The following PLOD2 variants were observed in gnomAD, a reference collection of about 807,000 sequenced individuals.
PLOD2 encodes the protein lysine hydroxylase 2.
In PLOD2, 65 loss-of-function variants were observed where a neutral mutation model predicts 101.0. The observed-to-expected ratio is 0.64, with a 90% CI of 0.53 to 0.79. The LOEUF is 0.79. PLOD2 is among the 30% of genes least tolerant of loss of function. The pLI is 0.00. For missense variants in PLOD2, 909 were observed against 914.6 expected, an observed-to-expected ratio of 0.99 and a Z score of 0.08; for synonymous variants, 314 against 302.9, an observed-to-expected ratio of 1.04 and a Z score of -0.38.
In PLOD2 at chr3:146,110,314, T is replaced by G; in HGVS notation, c.473A>C (p.His158Pro). ...KRLADKYPVV[H>P]IGKRYLNSGG... The stretch of plus-strand genomic sequence containing the variant: ...TGAATTCAGATAGCGTTTCCCAATG[T>G]GCACAACAGGATACTTGTCTGCTAG... Residue 158 changes from histidine to proline, a missense_variant, in exon 4 of 20, where the codon CAC (histidine) becomes CCC (proline). Physicochemically the swap from His to Pro is moderately conservative, Grantham distance 77. Transcript: ENST00000282903. The G allele has an allele frequency of 6.2e-7, 1 of 1,613,896 alleles. No homozygotes were observed. Among genetic ancestry groups the G allele is most frequent in the Non-Finnish European group, 8.5e-7 (1 of 1,179,844 alleles).
intron 1 of PLOD2, among the ~76,000 whole-genome samples, chr3:146,126,522 G>C (rs2030570988): frequency 6.6e-6 from 1 of 151,992 alleles, no homozygotes; most frequent in African/African-American, 2.4e-5. Flanking sequence ...CAGAAATAAA[G>C]AGACAAAGAT....
intron 1 of PLOD2, among the ~76,000 whole-genome samples, chr3:146,138,354 CAA>C (rs1407033535): frequency 6.7e-6 from 1 of 149,136 alleles, no homozygotes; most frequent in Non-Finnish European, 1.5e-5. Context: ...AAAAAACAAA[CAA>C]AAATTTGCAT....
intron 13 of PLOD2, among the ~76,000 whole-genome samples, chr3:146,078,599 T>C (rs941557959): frequency 3.3e-5 from 5 of 151,870 alleles, no homozygotes; most frequent in Non-Finnish European, 7.4e-5. Context: ...TTAGAGTAAA[T>C]ACACTATGTA....
At chr3:146,130,082 T>G (rs2030820307) in intron 1 of PLOD2, among the ~76,000 whole-genome samples, 1 of 152,170 alleles carries the variant, frequency 6.6e-6, no homozygotes, top group Admixed American at 6.6e-5. Flanking sequence ...CTCTCCAATC[T>G]CATCCACTTT....
At chr3:146,123,235 A>G in intron 2 of PLOD2, 1 of 928,172 alleles carries the variant, frequency 1.1e-6, no homozygotes, top group South Asian at 2.1e-5. Context: ...CTTTTTTAAA[A>G]AAAAAGTTTT....
chr3:146,125,707 G>A (rs1193180052), intron 1 of PLOD2, among the ~76,000 whole-genome samples: 3 of 152,052 alleles, frequency 2.0e-5, no homozygotes, highest in Non-Finnish European at 4.4e-5. Context: ...AGATCACACG[G>A]CTGCACTCCA....
intron 7 of PLOD2, among the ~76,000 whole-genome samples, chr3:146,099,251 T>C (rs1937302359): frequency 6.6e-6 from 1 of 152,198 alleles, no homozygotes; most frequent in Non-Finnish European, 1.5e-5. Context: ...AGTGCTCCTT[T>C]TCTTGTGATA....
At chr3:146,114,803 A>C (rs1442386730) in intron 3 of PLOD2, among the ~76,000 whole-genome samples, 2 of 152,192 alleles carry the variant, frequency 1.3e-5, no homozygotes, top group Admixed American at 6.6e-5. Flanking sequence ...CACACAGGGT[A>C]GAGTCACAGA....
chr3:146,123,711 CAGAA>C (rs1330897222), intron 2 of PLOD2, among the ~76,000 whole-genome samples: 3 of 150,884 alleles, frequency 2.0e-5, no homozygotes, highest in African/African-American at 7.4e-5. Context: ...CATGACCTGC[CAGAA>C]AGAAATTATA....
At chr3:146,124,281 A>C in intron 1 of PLOD2, 52 bp from the exon 2 acceptor site, 3 of 955,338 alleles carry the variant, frequency 3.1e-6, no homozygotes, top group Non-Finnish European at 5.1e-6. Flanking sequence ...TCAAATGCTC[A>C]CATTTTACAA....
rs1404495309 is a variant in PLOD2, at chr3:146,104,332, T to G, written c.626A>C (p.Asn209Thr). The G allele has an allele frequency of 4.6e-6, 7 of 1,534,232 alleles. No homozygotes were observed. The highest frequency in any genetic ancestry group is 6.3e-6 in the Non-Finnish European group (7 of 1,107,374). Reference sequence around the variant, plus strand: ...TTTGCATTTGTGATCCAATGTGATGTTAATAGCTTCCTAAAACATAAGAAT... The same window carrying G: ...TTTGCATTTGTGATCCAATGTGATGGTAATAGCTTCCTAAAACATAAGAAT... ...YIDPLKREAI[N>T]ITLDHKCKIF... Residue 209 changes from asparagine (N) to threonine (T), a missense_variant, in exon 6 of 20, where the codon AAC (asparagine) becomes ACC (threonine). Physicochemically the swap from Asn to Thr is moderately conservative, Grantham distance 65 (BLOSUM62 0). Coordinates refer to ENST00000282903, the MANE Select transcript of PLOD2 (RefSeq NM_182943.3).
chr3:146,081,863 T>A lies in PLOD2; in HGVS notation c.1233A>T (p.Arg411Ser), dbSNP rs1355487164. The change falls in exon 12 of 20, where the codon AGA becomes AGT. Residue 411 changes from arginine (R) to serine (S), a missense_variant and splice_region_variant. Physicochemically the swap from Arg to Ser is moderately radical, Grantham distance 110. Transcript: ENST00000282903. ...GAGTTACAAGAGGAGCAATGATCTT[T>A]CTAAAGACAGAGAGAGTGTGTGTGA... ...RTLKILIEQNRKIIAPLVTRH... is the reference protein window; with the variant it reads ...RTLKILIEQNSKIIAPLVTRH... The A allele has an allele frequency of 6.2e-7, 1 of 1,612,172 alleles. No homozygotes were observed. The highest frequency in any genetic ancestry group is 8.5e-7 in the Non-Finnish European group (1 of 1,178,594).
intron 1 of PLOD2, among the ~76,000 whole-genome samples, chr3:146,137,914 A>G (rs2031327703): frequency 6.6e-6 from 1 of 152,202 alleles, no homozygotes; most frequent in Non-Finnish European, 1.5e-5. Flanking sequence ...CACAGGAGGA[A>G]GAAATCAAGA....
At chr3:146,157,506 C>T (rs1351791418) in intron 1 of PLOD2, among the ~76,000 whole-genome samples, 1 of 152,160 alleles carries the variant, frequency 6.6e-6, no homozygotes, top group Admixed American at 6.5e-5. Flanking sequence ...TATTCATGCA[C>T]ATATCTAGGA....
intron 1 of PLOD2, among the ~76,000 whole-genome samples, chr3:146,126,003 G>A (rs1413101012): frequency 6.6e-6 from 1 of 152,044 alleles, no homozygotes; most frequent in Non-Finnish European, 1.5e-5. Context: ...TTTACTGGAT[G>A]GATTTTCACA....
intron 4 of PLOD2, among the ~76,000 whole-genome samples, chr3:146,108,034 T>A (rs1480042552): frequency 1.3e-5 from 2 of 152,076 alleles, no homozygotes; most frequent in African/African-American, 4.8e-5. Flanking sequence ...ACAGAGACAC[T>A]CAACATTTTC....
At chr3:146,119,443 C>G (rs1938078150) in intron 3 of PLOD2, among the ~76,000 whole-genome samples, 1 of 110,064 alleles carries the variant, frequency 9.1e-6, no homozygotes, top group Admixed American at 8.7e-5. Context: ...CTACTTTTGC[C>G]TCTTTTTTTT....
intron 2 of PLOD2, chr3:146,123,222 C>A (rs1256852020): frequency 7.7e-6 from 5 of 651,426 alleles, no homozygotes; most frequent in Non-Finnish European, 1.0e-5. Flanking sequence ...AGTAATCTTT[C>A]TTCTTTTTTA....
chr3:146,072,140 T>A (rs974565727), intron 17 of PLOD2, among the ~76,000 whole-genome samples: 2 of 151,700 alleles, frequency 1.3e-5, no homozygotes, highest in African/African-American at 4.8e-5. Flanking sequence ...CTCAGATCCC[T>A]CCTTCCTATC....
Sources: allele counts gnomAD v4.1 joint callset (sites outside exome capture counted in the v4.1 genomes callset), GRCh38; gene constraint gnomAD v4.1.1; transcripts MANE v1.5; gene names NCBI Gene and HGNC (gene_info 2026-07-23, HGNC 2026-07-21).